GRIN2A: variants seen among roughly 807,000 people sequenced by gnomAD.
The protein encoded by GRIN2A is glutamate receptor ionotropic, NMDA 2A.
GRIN2A carries 22 observed loss-of-function variants against 113.4 expected under a neutral mutation model. That is an observed-to-expected ratio of 0.19 (90% CI 0.14 to 0.28). The LOEUF is 0.28. Ranked by LOEUF, GRIN2A falls within the 10% of genes least tolerant of loss-of-function variation. The pLI is 1.00. For synonymous variants in GRIN2A, 827 were observed against 738.4 expected (o/e 1.12, Z -1.94); for missense variants, 1,502 against 1,887.0 (o/e 0.80, Z 3.78).
At chr16:9,983,079 C>G (rs963354372) in intron 2 of GRIN2A, among the ~76,000 whole-genome samples, 1 of 152,120 alleles carries the variant, frequency 6.6e-6, no homozygotes, top group African/African-American at 2.4e-5. Context: ...AGGTAATTAG[C>G]TTATCCATCA....
intron 4 of GRIN2A, among the ~76,000 whole-genome samples, chr16:9,856,855 T>C (rs527474869): frequency 6.6e-6 from 1 of 151,768 alleles, no homozygotes; most frequent in African/African-American, 2.4e-5. Context: ...TTTAAGTCTG[T>C]GAAAAAATGC....
chr16:10,071,253 G>C (rs145604573), intron 2 of GRIN2A, among the ~76,000 whole-genome samples: 1 of 152,116 alleles, frequency 6.6e-6, no homozygotes, highest in African/African-American at 2.4e-5. Context: ...GGAAATATTC[G>C]GAACATTCTA....
chr16:9,953,752 G>A (rs560422187), intron 2 of GRIN2A, among the ~76,000 whole-genome samples: 2 of 152,254 alleles, frequency 1.3e-5, no homozygotes, highest in African/African-American at 4.8e-5. Context: ...ACGAAGGCAG[G>A]GGTGAAAGGT....
At chr16:10,151,970 G>A (rs992532200) in intron 2 of GRIN2A, among the ~76,000 whole-genome samples, 2 of 152,198 alleles carry the variant, frequency 1.3e-5, no homozygotes, top group African/African-American at 4.8e-5. Flanking sequence ...TGCACAATCA[G>A]AACCTTCTGC....
chr16:9,902,723 A>G (rs11642239), intron 3 of GRIN2A, among the ~76,000 whole-genome samples: 42,872 of 151,530 alleles, frequency 0.28, 6,668 homozygotes, highest in African/African-American at 0.4. Context: ...CCAACTCTAC[A>G]ATATTTAATT....
chr16:10,089,415 CACA>C (rs1053763759), intron 2 of GRIN2A, among the ~76,000 whole-genome samples: 1 of 152,054 alleles, frequency 6.6e-6, no homozygotes, highest in Admixed American at 6.5e-5. Context: ...ATAAAATAAG[CACA>C]ACAATGAATG....
At chr16:10,155,641 A>C (rs1458388350) in intron 2 of GRIN2A, among the ~76,000 whole-genome samples, 1 of 152,248 alleles carries the variant, frequency 6.6e-6, no homozygotes, top group Non-Finnish European at 1.5e-5. Flanking sequence ...TAATAAAGAC[A>C]TATCGGAGAC....
At chr16:9,914,698 C>T (rs1267517458) in intron 3 of GRIN2A, among the ~76,000 whole-genome samples, 1 of 152,014 alleles carries the variant, frequency 6.6e-6, no homozygotes. Flanking sequence ...AGGAAGACGA[C>T]AGTGAATTGA....
At chr16:9,785,296 G>A (rs1902170173) in intron 11 of GRIN2A, among the ~76,000 whole-genome samples, 1 of 151,768 alleles carries the variant, frequency 6.6e-6, no homozygotes. Flanking sequence ...GTAGGGACAT[G>A]GATGAAGCTG....
rs1596373311 is a variant in GRIN2A, at chr16:9,969,213, T to C, written c.415-30662A>G. Among the ~76,000 whole-genome samples, 4 of 152,280 alleles carry C rather than the reference T, an allele frequency of 2.6e-5. No individual in the cohort carries two copies. The South Asian group carries it at 8.3e-4, about 32-fold the overall frequency. ...GATCTCCTCGTCCCATGGTCCTTTTTTGAACTTGGTGTTACCGAATCTTTC... is the reference window on the plus strand; with the variant it reads ...GATCTCCTCGTCCCATGGTCCTTTTCTGAACTTGGTGTTACCGAATCTTTC... On this transcript the variant is annotated intron_variant, in intron 2 of 12. Coordinates refer to ENST00000330684, the MANE Select transcript of GRIN2A (RefSeq NM_001134407.3).
intron 2 of GRIN2A, among the ~76,000 whole-genome samples, chr16:10,043,739 C>T (rs1332200586): frequency 6.6e-6 from 1 of 151,952 alleles, no homozygotes; most frequent in East Asian, 1.9e-4. Flanking sequence ...ATCAGCCAAG[C>T]TACCTCCTTC....
At chr16:9,968,376 C>T (rs529659885) in intron 2 of GRIN2A, among the ~76,000 whole-genome samples, 19 of 152,210 alleles carry the variant, frequency 1.2e-4, no homozygotes, top group African/African-American at 2.9e-4. Flanking sequence ...TGCAATGGTA[C>T]GATCTTGGCT....
chr16:10,020,872 A>C (rs1449283475), intron 2 of GRIN2A, among the ~76,000 whole-genome samples: 1 of 152,176 alleles, frequency 6.6e-6, no homozygotes, highest in Non-Finnish European at 1.5e-5. Flanking sequence ...CTCCAACATA[A>C]AGAGCCACAG....
intron 4 of GRIN2A, among the ~76,000 whole-genome samples, chr16:9,888,947 C>T (rs1400214451): frequency 3.3e-5 from 5 of 151,898 alleles, no homozygotes; most frequent in Admixed American, 1.3e-4. Context: ...TCAGATAGCC[C>T]CCACTTATCC....
intron 2 of GRIN2A, among the ~76,000 whole-genome samples, chr16:10,165,446 C>T (rs1324768860): frequency 6.8e-6 from 1 of 147,504 alleles, no homozygotes; most frequent in East Asian, 2.0e-4. Context: ...GTATAGATTA[C>T]TTGTATATTA....
intron 10 of GRIN2A, among the ~76,000 whole-genome samples, chr16:9,815,160 G>C (rs1355935787): frequency 6.6e-6 from 1 of 152,078 alleles, no homozygotes; most frequent in Non-Finnish European, 1.5e-5. Flanking sequence ...ACACGGAGAT[G>C]GGACTACACT....
chr16:10,096,982 T>G (rs1327220573), intron 2 of GRIN2A, among the ~76,000 whole-genome samples: 1 of 152,186 alleles, frequency 6.6e-6, no homozygotes, highest in East Asian at 1.9e-4. Context: ...GTGATAATTT[T>G]TAGGTGGTAC....
At chr16:10,093,140 C>A (rs924984380) in intron 2 of GRIN2A, among the ~76,000 whole-genome samples, 1 of 152,146 alleles carries the variant, frequency 6.6e-6, no homozygotes, top group South Asian at 2.1e-4. Flanking sequence ...GCCCGGCCAA[C>A]CTTTCTGAAA....
intron 2 of GRIN2A, among the ~76,000 whole-genome samples, chr16:10,161,306 G>A (rs1206831591): frequency 3.9e-5 from 6 of 152,108 alleles, no homozygotes; most frequent in African/African-American, 9.7e-5. Flanking sequence ...ATTTCCGGAG[G>A]CCTCCCAGCC....
Sources: gnomAD v4.1 joint callset for allele counts (sites outside exome capture counted in the v4.1 genomes callset) on GRCh38, gnomAD v4.1.1 for gene constraint, MANE v1.5 for transcripts, NCBI Gene and HGNC (gene_info 2026-07-23, HGNC 2026-07-21) for gene names.